The following ATP9B variants were observed in gnomAD, a reference collection of about 807,000 sequenced individuals.
ATP9B encodes the protein ATPase phospholipid transporting 9B, also known as probable phospholipid-transporting ATPase IIB.
In ATP9B, 110 loss-of-function variants were observed where a neutral mutation model predicts 146.1. The observed-to-expected ratio is 0.75, with a 90% confidence interval of 0.65 to 0.88. The LOEUF is 0.88. Among genes scored for constraint, ATP9B ranks in the 40% least tolerant of loss-of-function variants. ATP9B has a pLI of 0.00. For missense variants in ATP9B, 1,499 were observed against 1,496.4 expected, an observed-to-expected ratio of 1.00 and a Z score of -0.03; for synonymous variants, 604 against 569.7, an observed-to-expected ratio of 1.06 and a Z score of -0.86.
chr18:79,292,780 C>T lies in ATP9B; in HGVS notation c.1412-10824C>T, dbSNP rs757135490. On this transcript the variant is annotated intron_variant, in intron 13 of 29. Coordinates refer to ENST00000426216, the MANE Select transcript of ATP9B (RefSeq NM_198531.5). The stretch of plus-strand genomic sequence containing the variant: ...GTTTTGTTTTGTTTTGTTTTTGAAA[C>T]AGGGTCTTGCTCTGTCACCCAGGCT... 1.3e-3 allele frequency among the ~76,000 whole-genome samples: 193 copies of T among 151,444 alleles called. 1 individual carries two copies. Among genetic ancestry groups the T allele is most frequent in the Non-Finnish European group, 1.8e-3 (122 of 67,952 alleles).
chr18:79,286,987 A>C (rs1351753337), intron 13 of ATP9B, among the ~76,000 whole-genome samples: 1 of 152,170 alleles, frequency 6.6e-6, no homozygotes, highest in Admixed American at 6.5e-5. Flanking sequence ...CATGGTGGAT[A>C]AGCTTTTTGA....
In ATP9B at chr18:79,345,537, T is replaced by TGCAGCAGCACACAGGGAGAC; in HGVS notation, c.2586_2605dup (p.Thr869SerfsTer20). ...CAGAAGGCCCGCATTGTGACACTGC[T>TGCAGCAGCACACAGGGAGAC]GCAGCAGCACACAGGGAGACGCACC... is the stretch of plus-strand genomic sequence containing the variant. On this transcript the variant is annotated frameshift_variant, in exon 22 of 30. Coordinates refer to ENST00000426216, the MANE Select transcript of ATP9B (RefSeq NM_198531.5). LOFTEE classifies it high-confidence loss of function. The TGCAGCAGCACACAGGGAGAC allele has an allele frequency of 6.2e-7, 1 of 1,611,458 alleles. No individual in the cohort carries two copies.
At chr18:79,140,437 G>C (rs1444198655) in intron 5 of ATP9B, among the ~76,000 whole-genome samples, 4 of 151,914 alleles carry the variant, frequency 2.6e-5, no homozygotes, top group African/African-American at 9.7e-5. Context: ...ACTGGTAGTG[G>C]GGTTGGTGGG....
chr18:79,222,682 C>T (rs1023185531), intron 11 of ATP9B, among the ~76,000 whole-genome samples: 3 of 152,216 alleles, frequency 2.0e-5, no homozygotes, highest in Non-Finnish European at 4.4e-5. Context: ...AATATTTTCC[C>T]GCCTCCTAGT....
In ATP9B at chr18:79,327,646, C is replaced by T. The variant is rs1191799636; in HGVS notation, c.1774-1495C>T. On this transcript the variant is annotated intron_variant, in intron 15 of 29. Transcript: ENST00000426216. ...TGGTTAGTGTGCCCTCCCTGGTTAG[C>T]ATGCTCTCCGTGTTTAGCGTGCTCT... Among the ~76,000 whole-genome samples, 12 of 124,316 alleles carry T rather than the reference C, an allele frequency of 9.7e-5. 1 individual carries two copies. The highest frequency in any genetic ancestry group is 2.4e-4 in the African/African-American group (8 of 33,238). 81.6% of individuals were successfully genotyped at this position (124,316 alleles called of 152,430 possible).
At chr18:79,269,153 C>T (rs1310555866) in intron 12 of ATP9B, among the ~76,000 whole-genome samples, 2 of 152,236 alleles carry the variant, frequency 1.3e-5, no homozygotes, top group African/African-American at 2.4e-5. Flanking sequence ...CCCCACCTGT[C>T]GCGTCCTGCT....
intron 1 of ATP9B, among the ~76,000 whole-genome samples, chr18:79,091,163 C>T (rs993288342): frequency 2.0e-5 from 3 of 152,154 alleles, no homozygotes; most frequent in Non-Finnish European, 2.9e-5. Flanking sequence ...ATGCCAGTAA[C>T]TTGCTGTTTT....
At chr18:79,091,985 A>T (rs943919332) in intron 1 of ATP9B, among the ~76,000 whole-genome samples, 1 of 152,040 alleles carries the variant, frequency 6.6e-6, no homozygotes, top group Non-Finnish European at 1.5e-5. Flanking sequence ...TGATCCTTTT[A>T]TTATTGCGTT....
intron 26 of ATP9B, among the ~76,000 whole-genome samples, chr18:79,367,768 TCTC>T (rs2097043229): frequency 6.6e-6 from 1 of 152,154 alleles, no homozygotes; most frequent in African/African-American, 2.4e-5. Flanking sequence ...GGGACACGTG[TCTC>T]CTCAACAAAT....
intron 27 of ATP9B, among the ~76,000 whole-genome samples, chr18:79,373,508 T>TA (rs1555889597): frequency 0.15 from 22,500 of 148,016 alleles, 1,865 homozygotes; most frequent in Admixed American, 0.18. Context: ...TTTTTTTTTT[T>TA]AGACAGAGTC....
chr18:79,079,684 T>A (rs1397978433), intron 1 of ATP9B, among the ~76,000 whole-genome samples: 1 of 152,148 alleles, frequency 6.6e-6, no homozygotes, highest in Admixed American at 6.5e-5. Flanking sequence ...GCTTTTGTTG[T>A]CATGGCTTTT....
At chr18:79,119,208 C>T (rs1328206295) in intron 4 of ATP9B, among the ~76,000 whole-genome samples, 1 of 152,094 alleles carries the variant, frequency 6.6e-6, no homozygotes, top group Admixed American at 6.6e-5. Context: ...TTTGTACTTA[C>T]TCTGATTTAA....
chr18:79,336,646 G>A lies in ATP9B; in HGVS notation c.2047G>A (p.Glu683Lys), dbSNP rs764159006. 25 of 1,604,724 alleles carry A rather than the reference G, an allele frequency of 1.6e-5. No homozygotes were observed. The highest frequency in any genetic ancestry group is 1.1e-4 in the South Asian group (10 of 90,010). ...TTTCCAGTGCGGAAACATGGCTCGC[G>A]AAGGACTGCGGACCCTCGTGGTTGC... The part of the protein sequence containing the change: ...LEEECGNMAR[E>K]GLRTLVVAKK... The change falls in exon 18 of 30, where the codon GAA (glutamate) becomes AAA (lysine). Residue 683 changes from glutamate to lysine, a missense_variant. Coordinates refer to ENST00000426216, the MANE Select transcript of ATP9B (RefSeq NM_198531.5).
At chr18:79,178,651 A>G (rs1191686426) in intron 8 of ATP9B, among the ~76,000 whole-genome samples, 2 of 152,086 alleles carry the variant, frequency 1.3e-5, no homozygotes, top group African/African-American at 4.8e-5. Flanking sequence ...TTATCTATTA[A>G]TATGATGGTA....
At chr18:79,177,347 C>T (rs2095188070) in intron 8 of ATP9B, among the ~76,000 whole-genome samples, 1 of 152,140 alleles carries the variant, frequency 6.6e-6, no homozygotes, top group Non-Finnish European at 1.5e-5. Flanking sequence ...GTGATGCTCT[C>T]TCCACAGTCT....
chr18:79,230,827 A>G lies in ATP9B; in HGVS notation c.1107+16789A>G, dbSNP rs374015453. ...GGTATAAAAACAGGCATATAGACCAATGGAACAGAATAGAGAACCCAGAAA... is the reference window on the plus strand; with the variant it reads ...GGTATAAAAACAGGCATATAGACCAGTGGAACAGAATAGAGAACCCAGAAA... On this transcript the variant is annotated intron_variant, in intron 11 of 29. Transcript: ENST00000426216. Among the ~76,000 whole-genome samples the G allele has an allele frequency of 5.5e-4, 84 of 152,344 alleles. 1 individual carries two copies. In the South Asian group the frequency reaches 0.017, roughly 30 times the overall value.
At chr18:79,149,255 C>T (rs1422299770) in intron 6 of ATP9B, among the ~76,000 whole-genome samples, 2 of 152,104 alleles carry the variant, frequency 1.3e-5, no homozygotes, top group Non-Finnish European at 2.9e-5. Flanking sequence ...AGGAATCACC[C>T]TTGATGTGAA....
intron 26 of ATP9B, chr18:79,361,798 G>A: frequency 1.0e-6 from 1 of 985,440 alleles, no homozygotes; most frequent in Non-Finnish European, 1.2e-6. Flanking sequence ...CGGGGCAGCT[G>A]GAGACTGGAT....
rs548978076 is a variant in ATP9B at position 79,342,525 on chromosome 18, C to A, written c.2382+159C>A. Reference sequence around the variant, plus strand: ...TTTATAACAGCACACCAGCATGGCACATGTATACGTATGTAACTAACCTGC... The same window carrying A: ...TTTATAACAGCACACCAGCATGGCAAATGTATACGTATGTAACTAACCTGC... On this transcript the variant is annotated intron_variant, in intron 20 of 29. Coordinates refer to ENST00000426216, the MANE Select transcript of ATP9B (RefSeq NM_198531.5). Among the ~76,000 whole-genome samples the A allele has an allele frequency of 4.6e-5, 7 of 152,138 alleles. 1 individual carries two copies. The highest frequency in any genetic ancestry group is 1.7e-4 in the African/African-American group (7 of 41,508).
Sources: allele counts gnomAD v4.1 joint callset (sites outside exome capture counted in the v4.1 genomes callset), GRCh38; gene constraint gnomAD v4.1.1; transcripts MANE v1.5; gene names NCBI Gene and HGNC (gene_info 2026-07-23, HGNC 2026-07-21).